The following LRBA variants were observed in gnomAD, a reference collection of about 807,000 sequenced individuals.
The protein encoded by LRBA is lipopolysaccharide-responsive and beige-like anchor protein.
LRBA carries 176 observed loss-of-function variants against 330.0 expected under a neutral mutation model. The observed-to-expected ratio is 0.53, with a 90% CI of 0.47 to 0.60. The LOEUF (loss-of-function observed/expected upper bound fraction) is 0.60. LRBA is among the 20% of genes least tolerant of loss of function. LRBA has a pLI of 0.00. For missense variants in LRBA, 3,259 were observed against 3,444.8 expected (o/e 0.95, Z 1.35); for synonymous variants, 1,230 against 1,193.0 (o/e 1.03, Z -0.64).
intron 40 of LRBA, among the ~76,000 whole-genome samples, chr4:150,559,733 A>AT (rs1360511610): frequency 1.1e-5 from 1 of 89,636 alleles, no homozygotes; most frequent in Non-Finnish European, 2.0e-5. Context: ...TATAATATAT[A>AT]ATATAATATA....
intron 43 of LRBA, among the ~76,000 whole-genome samples, chr4:150,468,260 G>A (rs1755674718): frequency 6.6e-6 from 1 of 151,902 alleles, no homozygotes; most frequent in Non-Finnish European, 1.5e-5. Flanking sequence ...TAACCCTGGT[G>A]GACATTCACC....
chr4:150,412,705 A>G (rs950012378), intron 47 of LRBA, among the ~76,000 whole-genome samples: 2 of 152,054 alleles, frequency 1.3e-5, no homozygotes, highest in East Asian at 3.8e-4. Flanking sequence ...TATGGTAATG[A>G]TTAACAGAAA....
rs535864228 is a variant in LRBA, at chr4:150,301,954, C to T, written c.8017+671G>A. On this transcript the variant is annotated intron_variant, in intron 53 of 56. Coordinates refer to ENST00000651943, the MANE Select transcript of LRBA (RefSeq NM_001364905.1). ...TCCCTTTAATTGTTTTTTCCTACTT[C>T]TTAATGTGTTTTTCTAAAGCCATTT... 3.3e-5 allele frequency among the ~76,000 whole-genome samples: 5 copies of T among 152,160 alleles called. No individual in the cohort carries two copies. In the South Asian group the frequency reaches 6.2e-4, roughly 19 times the overall value.
At chr4:150,331,121 T>C (rs1427774401) in intron 48 of LRBA, among the ~76,000 whole-genome samples, 1 of 152,166 alleles carries the variant, frequency 6.6e-6, no homozygotes, top group Non-Finnish European at 1.5e-5. Flanking sequence ...TGTCTCACTA[T>C]AGTAGTAATT....
At chr4:150,538,934 A>G (rs1184436483) in intron 40 of LRBA, among the ~76,000 whole-genome samples, 1 of 152,034 alleles carries the variant, frequency 6.6e-6, no homozygotes, top group East Asian at 1.9e-4. Flanking sequence ...AAACCTGCAC[A>G]TGTAGCCTCT....
intron 40 of LRBA, among the ~76,000 whole-genome samples, chr4:150,565,868 C>T (rs1769060026): frequency 6.6e-6 from 1 of 152,100 alleles, no homozygotes. Context: ...TATTCACATA[C>T]TTTAATTTAG....
intron 47 of LRBA, among the ~76,000 whole-genome samples, chr4:150,377,690 G>C (rs890917946): frequency 6.6e-6 from 1 of 152,062 alleles, no homozygotes; most frequent in Non-Finnish European, 1.5e-5. Context: ...AATTAACCAT[G>C]ATTATAAATC....
At chr4:150,418,482 A>T (rs1000205785) in intron 46 of LRBA, among the ~76,000 whole-genome samples, 2 of 152,196 alleles carry the variant, frequency 1.3e-5, no homozygotes, top group Non-Finnish European at 2.9e-5. Flanking sequence ...GCTACATAAT[A>T]TCTATCATGC....
At position 150,639,811 on chromosome 4, in the gene LRBA, GTGTGTGTGTATATATA is replaced by G. The variant is rs1778426124; in HGVS notation, c.5922-40696_5922-40681del. Among the ~76,000 whole-genome samples, 25 of 13,826 alleles carry G rather than the reference GTGTGTGTGTATATATA, an allele frequency of 1.8e-3. 4 individuals carry two copies. Among genetic ancestry groups the G allele is most frequent in the South Asian group, 0.012 (3 of 260 alleles). 9.1% of individuals were successfully genotyped at this position (13,826 alleles called of 152,430 possible). ...TGTGTGTATATATATATATATGTGT[GTGTGTGTGTATATATA>G]TATATATATATATATATATATATAT... On this transcript the variant is annotated intron_variant, in intron 37 of 56. Transcript: ENST00000651943.
At chr4:150,697,159 T>C (rs1344447993) in intron 36 of LRBA, among the ~76,000 whole-genome samples, 1 of 149,072 alleles carries the variant, frequency 6.7e-6, no homozygotes, top group Non-Finnish European at 1.5e-5. Context: ...ACCCCATCTC[T>C]ACTAAAAATA....
At chr4:150,830,467 T>C (rs1386044720) in intron 29 of LRBA, among the ~76,000 whole-genome samples, 1 of 152,148 alleles carries the variant, frequency 6.6e-6, no homozygotes, top group Non-Finnish European at 1.5e-5. Context: ...CTCAGCTGTT[T>C]TAGTCAGTCA....
chr4:150,684,480 G>A (rs1168356444), intron 36 of LRBA, among the ~76,000 whole-genome samples: 1 of 151,940 alleles, frequency 6.6e-6, no homozygotes. Context: ...TTAATTCCCA[G>A]GCAATTTATA....
intron 37 of LRBA, among the ~76,000 whole-genome samples, chr4:150,682,565 T>G: frequency 6.6e-6 from 1 of 152,190 alleles, no homozygotes; most frequent in East Asian, 1.9e-4. Flanking sequence ...TATTAGTGAA[T>G]ACTTTATACA....
intron 2 of LRBA, among the ~76,000 whole-genome samples, chr4:150,983,782 A>C (rs1295047916): frequency 6.6e-6 from 1 of 152,074 alleles, no homozygotes; most frequent in Non-Finnish European, 1.5e-5. Context: ...AAAAAAAAAA[A>C]AAAACTACAA....
chr4:150,834,220 C>G (rs1243642114), intron 28 of LRBA, among the ~76,000 whole-genome samples: 2 of 152,170 alleles, frequency 1.3e-5, no homozygotes, highest in African/African-American at 4.8e-5. Flanking sequence ...TCCCATGAAT[C>G]ACATGGGTAC....
intron 36 of LRBA, among the ~76,000 whole-genome samples, chr4:150,705,271 A>G (rs1174069916): frequency 6.6e-6 from 1 of 152,108 alleles, no homozygotes; most frequent in African/African-American, 2.4e-5. Context: ...AAAACAATGA[A>G]TTTAAGTTTT....
chr4:150,808,455 A>C, intron 31 of LRBA, 57 bp from the exon 32 acceptor site: 1 of 938,044 alleles, frequency 1.1e-6, no homozygotes, highest in Non-Finnish European at 1.7e-6. Context: ...ATGAAGATTT[A>C]AATAAAAAGA....
chr4:150,432,967 A>G (rs928087955), intron 46 of LRBA, among the ~76,000 whole-genome samples: 7 of 152,144 alleles, frequency 4.6e-5, no homozygotes, highest in African/African-American at 1.7e-4. Context: ...CAATATAAAA[A>G]TGGGGGTAAT....
intron 47 of LRBA, among the ~76,000 whole-genome samples, chr4:150,400,503 T>C (rs968921568): frequency 9.9e-5 from 15 of 152,158 alleles, no homozygotes; most frequent in African/African-American, 3.6e-4. Flanking sequence ...ATGGAATAAC[T>C]ATAATACAGC....
Sources: gnomAD v4.1 joint callset for allele counts (sites outside exome capture counted in the v4.1 genomes callset) on GRCh38, gnomAD v4.1.1 for gene constraint, MANE v1.5 for transcripts, NCBI Gene and HGNC (gene_info 2026-07-23, HGNC 2026-07-21) for gene names.